Variants in SAMMSON observed in about 807,000 individuals in gnomAD.
SAMMSON encodes long intergenic non-protein coding RNA 1212.
chr3:70,359,256 A>G (rs1474948935), intron 9 of SAMMSON, among the ~76,000 whole-genome samples: 1 of 152,146 alleles, frequency 6.6e-6, no homozygotes, highest in Admixed American at 6.6e-5. Context: ...TCTTTTCAAG[A>G]CGTAGTATGT....
At chr3:70,397,714 G>A (rs560123072) in intron 2 of SAMMSON, among the ~76,000 whole-genome samples, 33 of 151,894 alleles carry the variant, frequency 2.2e-4, no homozygotes, top group Non-Finnish European at 4.3e-4. Context: ...AGATCAAAAG[G>A]TATAAATATC....
intron 6 of SAMMSON, among the ~76,000 whole-genome samples, chr3:70,268,958 T>G (rs2106669524): frequency 6.6e-6 from 1 of 152,198 alleles, no homozygotes; most frequent in Non-Finnish European, 1.5e-5. Flanking sequence ...TGCTCTCCTT[T>G]GAACCAGGAA....
At chr3:70,252,898 C>T (rs1701782578) in intron 6 of SAMMSON, among the ~76,000 whole-genome samples, 1 of 151,658 alleles carries the variant, frequency 6.6e-6, no homozygotes, top group Non-Finnish European at 1.5e-5. Context: ...TGGCCAACAT[C>T]GTGAAACCCC....
At chr3:70,277,358 CT>C (rs975978244) in intron 6 of SAMMSON, among the ~76,000 whole-genome samples, 1 of 152,096 alleles carries the variant, frequency 6.6e-6, no homozygotes, top group Non-Finnish European at 1.5e-5. Context: ...TGTTATTTGA[CT>C]TTTTTCCCCC....
chr3:70,217,710 A>G (rs1701428499), intron 4 of SAMMSON, among the ~76,000 whole-genome samples: 1 of 152,114 alleles, frequency 6.6e-6, no homozygotes, highest in African/African-American at 2.4e-5. Flanking sequence ...ATGATATCGA[A>G]TTGGGCAGTT....
At chr3:70,057,151 C>T (rs540935713) in intron 3 of SAMMSON, among the ~76,000 whole-genome samples, 4 of 151,994 alleles carry the variant, frequency 2.6e-5, no homozygotes, top group Non-Finnish European at 5.9e-5. Flanking sequence ...ACTTTGTCAC[C>T]ACATGACCTT....
At chr3:70,176,819 C>T (rs1478072917) in intron 4 of SAMMSON, among the ~76,000 whole-genome samples, 1 of 151,984 alleles carries the variant, frequency 6.6e-6, no homozygotes, top group African/African-American at 2.4e-5. Context: ...AAAAGATGAT[C>T]ATTTTTTTCT....
intron 4 of SAMMSON, among the ~76,000 whole-genome samples, chr3:70,240,792 G>A (rs930055319): frequency 1.3e-5 from 2 of 152,026 alleles, no homozygotes; most frequent in African/African-American, 4.8e-5. Context: ...TTCATACACC[G>A]GGGCACATCA....
chr3:70,178,947 G>A (rs1195622216), intron 4 of SAMMSON, among the ~76,000 whole-genome samples: 1 of 152,138 alleles, frequency 6.6e-6, no homozygotes, highest in Non-Finnish European at 1.5e-5. Context: ...GCTGCAGTGA[G>A]CCATGATCAT....
chr3:70,362,054 A>T (rs1354549092), intron 9 of SAMMSON, among the ~76,000 whole-genome samples: 2 of 152,160 alleles, frequency 1.3e-5, no homozygotes, highest in African/African-American at 4.8e-5. Flanking sequence ...GGATAAAGAT[A>T]TGCAAACCAT....
At chr3:70,091,895 C>T (rs2067306220) in intron 4 of SAMMSON, among the ~76,000 whole-genome samples, 1 of 152,168 alleles carries the variant, frequency 6.6e-6, no homozygotes, top group Non-Finnish European at 1.5e-5. Context: ...TTCAGTTGAA[C>T]TCCATGTGCC....
chr3:70,340,873 T>C (rs1702706341), intron 7 of SAMMSON, among the ~76,000 whole-genome samples: 1 of 152,102 alleles, frequency 6.6e-6, no homozygotes, highest in African/African-American at 2.4e-5. Context: ...TAGTTGAATC[T>C]TGTGAGTCCT....
At chr3:70,166,179 A>G (rs2067636143) in intron 4 of SAMMSON, among the ~76,000 whole-genome samples, 1 of 151,990 alleles carries the variant, frequency 6.6e-6, no homozygotes, top group Non-Finnish European at 1.5e-5. Flanking sequence ...GTTGAATTCC[A>G]GCTCTGCAGT....
intron 7 of SAMMSON, chr3:70,311,753 GAA>G (rs1437189238): frequency 4.7e-5 from 18 of 379,026 alleles, no homozygotes; most frequent in East Asian, 3.0e-4. Context: ...GAAAAAAAAA[GAA>G]AAGAGTGAAA....
At chr3:70,068,116 A>C (rs1396892374) in intron 3 of SAMMSON, 3 of 151,860 alleles carry the variant, frequency 2.0e-5, no homozygotes, top group Admixed American at 2.0e-4. Context: ...GGAGAGATAG[A>C]CTCTAACTGG....
intron 7 of SAMMSON, among the ~76,000 whole-genome samples, chr3:70,306,404 C>A (rs1702400763): frequency 6.6e-6 from 1 of 152,188 alleles, no homozygotes; most frequent in Non-Finnish European, 1.5e-5. Context: ...AGCTACCTCA[C>A]CCGGCCAATA....
At chr3:70,426,151 A>G (rs1274923209) in intron 2 of SAMMSON, among the ~76,000 whole-genome samples, 15 of 152,242 alleles carry the variant, frequency 9.9e-5, no homozygotes, top group Admixed American at 9.8e-4. Flanking sequence ...ACATAAAATG[A>G]CATGACAAAT....
At chr3:70,357,539 G>A (rs1056740575) in intron 8 of SAMMSON, among the ~76,000 whole-genome samples, 36 of 151,934 alleles carry the variant, frequency 2.4e-4, no homozygotes, top group Non-Finnish European at 4.9e-4. Flanking sequence ...GTTAAAATGA[G>A]AGCACATGGA....
chr3:70,429,581 G>T (rs897459331), intron 2 of SAMMSON, among the ~76,000 whole-genome samples: 1 of 152,096 alleles, frequency 6.6e-6, no homozygotes, highest in Non-Finnish European at 1.5e-5. Flanking sequence ...TCATGATATT[G>T]ATTCTTCCTA....
Sources: allele counts gnomAD v4.1 joint callset (sites outside exome capture counted in the v4.1 genomes callset), GRCh38; gene constraint gnomAD v4.1.1; transcripts MANE v1.5; gene names NCBI Gene and HGNC (gene_info 2026-07-23, HGNC 2026-07-21).